Variants in ST18 observed in about 807,000 individuals in gnomAD.
The protein encoded by ST18 is suppression of tumorigenicity 18 protein.
Under a neutral mutation model 110.0 loss-of-function variants are expected in ST18, and 50 were observed. The observed-to-expected ratio is 0.45, with a 90% CI of 0.36 to 0.58. The LOEUF (loss-of-function observed/expected upper bound fraction) is 0.58, where lower values mean the gene tolerates loss of function less well. Among genes scored for constraint, ST18 ranks in the 20% least tolerant of loss-of-function variants. The pLI is 0.00. For missense variants in ST18, 1,306 were observed against 1,280.1 expected, an observed-to-expected ratio of 1.02 and a Z score of -0.31; for synonymous variants, 461 against 452.4, an observed-to-expected ratio of 1.02 and a Z score of -0.24.
intron 17 of ST18, among the ~76,000 whole-genome samples, chr8:52,141,807 C>A (rs1480788192): frequency 6.6e-6 from 1 of 152,138 alleles, no homozygotes; most frequent in Admixed American, 6.5e-5. Context: ...GGGATGGGAG[C>A]ACTCACTGCC....
intron 8 of ST18, among the ~76,000 whole-genome samples, chr8:52,190,151 T>A (rs1298399276): frequency 2.6e-5 from 4 of 152,190 alleles, no homozygotes; most frequent in African/African-American, 9.7e-5. Flanking sequence ...CTTTGTTTCA[T>A]GCACAAAATT....
At position 52,263,703 on chromosome 8, in the gene ST18, C is replaced by T. The variant is rs201589605; in HGVS notation, c.-464-33626G>A. Among the ~76,000 whole-genome samples, 12 of 149,766 alleles carry T rather than the reference C, an allele frequency of 8.0e-5. No homozygotes were observed. The East Asian group carries it at 1.8e-3, about 22-fold the overall frequency. On this transcript the variant is annotated intron_variant, in intron 2 of 25. Transcript: ENST00000689386. ...TAGGTGATCCACCTACCTCAGCCTC[C>T]CAGAGTGCTGGGATTACAGGTGTGA...
At chr8:52,289,452 CAAAACAA>C (rs1291521931) in intron 2 of ST18, among the ~76,000 whole-genome samples, 1 of 151,708 alleles carries the variant, frequency 6.6e-6, no homozygotes, top group Non-Finnish European at 1.5e-5. Flanking sequence ...GACTCTGTCT[CAAAACAA>C]AAAACAAAAA....
intron 10 of ST18, among the ~76,000 whole-genome samples, chr8:52,169,197 T>C (rs2063973458): frequency 6.6e-6 from 1 of 152,106 alleles, no homozygotes; most frequent in Non-Finnish European, 1.5e-5. Context: ...CAGAACCTGT[T>C]TGCATGATAA....
At chr8:52,370,066 G>A (rs2140586972) in intron 2 of ST18, among the ~76,000 whole-genome samples, 1 of 152,312 alleles carries the variant, frequency 6.6e-6, no homozygotes, top group East Asian at 1.9e-4. Context: ...CACCCACCAG[G>A]TTAGCTGTGA....
At chr8:52,322,865 A>G (rs903293845) in intron 2 of ST18, among the ~76,000 whole-genome samples, 1 of 152,250 alleles carries the variant, frequency 6.6e-6, no homozygotes, top group African/African-American at 2.4e-5. Flanking sequence ...TCTGATAGCT[A>G]TCATTGATGA....
At chr8:52,364,862 C>A (rs1465106883) in intron 2 of ST18, among the ~76,000 whole-genome samples, 1 of 152,138 alleles carries the variant, frequency 6.6e-6, no homozygotes, top group Admixed American at 6.5e-5. Context: ...GTAATCCCAG[C>A]ACTTTGAGAG....
intron 2 of ST18, among the ~76,000 whole-genome samples, chr8:52,310,871 A>T (rs2095894149): frequency 7.4e-6 from 1 of 135,028 alleles, no homozygotes; most frequent in African/African-American, 2.7e-5. Flanking sequence ...AAAGGCCCCA[A>T]CTGCTCTGCG....
chr8:52,318,654 C>T (rs2096070774), intron 2 of ST18, among the ~76,000 whole-genome samples: 1 of 152,080 alleles, frequency 6.6e-6, no homozygotes, highest in South Asian at 2.1e-4. Flanking sequence ...CCTAAATGCC[C>T]ATCAATGATA....
At chr8:52,223,334 A>G (rs2087718433) in intron 3 of ST18, among the ~76,000 whole-genome samples, 1 of 152,220 alleles carries the variant, frequency 6.6e-6, no homozygotes, top group Non-Finnish European at 1.5e-5. Flanking sequence ...CCCAAAGTAG[A>G]GAATCATAGA....
Position 52,189,770 on chromosome 8 carries a change from G to A in ST18, c.87-9458C>T, listed in dbSNP as rs549209245. ...TCATCATGGCCCTTTGATAGAGTGG[G>A]AGAATATGGGGGCAGATCACAAATG... On this transcript the variant is annotated intron_variant, in intron 8 of 25. Coordinates refer to ENST00000689386, the MANE Select transcript of ST18 (RefSeq NM_001352837.2). Among the ~76,000 whole-genome samples, 14 of 152,326 alleles carry A rather than the reference G, an allele frequency of 9.2e-5. No homozygotes were observed. In the East Asian group the frequency reaches 2.5e-3, roughly 27 times the overall value.
chr8:52,181,670 C>T (rs958017241), intron 8 of ST18, among the ~76,000 whole-genome samples: 3 of 152,074 alleles, frequency 2.0e-5, no homozygotes, highest in Non-Finnish European at 4.4e-5. Context: ...GAATATGGAG[C>T]AAAATGGAAT....
At chr8:52,259,363 C>T (rs1374254751) in intron 2 of ST18, among the ~76,000 whole-genome samples, 1 of 152,172 alleles carries the variant, frequency 6.6e-6, no homozygotes, top group Non-Finnish European at 1.5e-5. Context: ...TTAAACCAAT[C>T]AACCGCTAGA....
At chr8:52,115,013 A>G (rs1430970773) in intron 25 of ST18, among the ~76,000 whole-genome samples, 1 of 152,198 alleles carries the variant, frequency 6.6e-6, no homozygotes, top group Non-Finnish European at 1.5e-5. Context: ...TAACATTGCA[A>G]TGATTTTTAA....
chr8:52,186,318 C>T lies in ST18; in HGVS notation c.87-6006G>A, dbSNP rs749130769. ...CTTTTGGCTGATACACAAATGCAAA[C>T]GTGCTCAGATTCTTTCGTCTCCAGG... is the stretch of plus-strand genomic sequence containing the variant. On this transcript the variant is annotated intron_variant, in intron 8 of 25. Coordinates refer to ENST00000689386, the MANE Select transcript of ST18 (RefSeq NM_001352837.2). 7.8e-4 allele frequency among the ~76,000 whole-genome samples: 118 copies of T among 152,204 alleles called. 2 individuals are homozygous for T. The highest frequency in any genetic ancestry group is 2.0e-4 in the Admixed American group (3 of 15,280).
intron 2 of ST18, among the ~76,000 whole-genome samples, chr8:52,315,926 G>A (rs1299873977): frequency 4.6e-5 from 7 of 152,052 alleles, no homozygotes; most frequent in Admixed American, 1.3e-4. Context: ...TTATACTAAC[G>A]TTTGACATTA....
intron 2 of ST18, among the ~76,000 whole-genome samples, chr8:52,387,950 C>A (rs1837517593): frequency 6.6e-6 from 1 of 151,778 alleles, no homozygotes; most frequent in African/African-American, 2.4e-5. Flanking sequence ...TGCCAGCACC[C>A]TCCCCACCCC....
intron 16 of ST18, among the ~76,000 whole-genome samples, chr8:52,148,641 A>T (rs560264124): frequency 1.2e-4 from 17 of 145,858 alleles, no homozygotes; most frequent in Non-Finnish European, 2.1e-4. Flanking sequence ...TGTTGGCAAA[A>T]CTGTGCTGAA....
At chr8:52,375,105 TTCTC>T (rs1188659670) in intron 2 of ST18, among the ~76,000 whole-genome samples, 1 of 151,858 alleles carries the variant, frequency 6.6e-6, no homozygotes, top group Non-Finnish European at 1.5e-5. Flanking sequence ...TACTCTCTCT[TTCTC>T]TCTCTCTTTA....
Sources: gnomAD v4.1 joint callset for allele counts (sites outside exome capture counted in the v4.1 genomes callset) on GRCh38, gnomAD v4.1.1 for gene constraint, MANE v1.5 for transcripts, NCBI Gene and HGNC (gene_info 2026-07-23, HGNC 2026-07-21) for gene names.